NPEPPS: variants seen among roughly 807,000 people sequenced by gnomAD.
NPEPPS encodes puromycin-sensitive aminopeptidase.
A neutral mutation model predicts 115.5 loss-of-function variants in NPEPPS; 14 were observed. That is an observed-to-expected ratio of 0.12 (90% CI 0.08 to 0.19). NPEPPS has a LOEUF of 0.19. Among genes scored for constraint, NPEPPS ranks in the 10% least tolerant of loss-of-function variants. The probability of loss-of-function intolerance (pLI) is 1.00; values close to 1 mark genes in which losing one functional copy is unlikely to be tolerated. For missense variants in NPEPPS, 523 were observed against 1,110.8 expected, an observed-to-expected ratio of 0.47 and a Z score of 7.52; for synonymous variants, 285 against 390.6, an observed-to-expected ratio of 0.73 and a Z score of 3.19.
intron 1 of NPEPPS, among the ~76,000 whole-genome samples, chr17:47,531,978 C>T (rs909923487): frequency 5.9e-5 from 9 of 152,146 alleles, no homozygotes; most frequent in African/African-American, 2.2e-4. Context: ...AACCACCTGA[C>T]TCAGTTCTTT....
At chr17:47,524,784 G>A (rs1907364068) in intron 1 of NPEPPS, among the ~76,000 whole-genome samples, 1 of 151,142 alleles carries the variant, frequency 6.6e-6, no homozygotes, top group East Asian at 1.9e-4. Flanking sequence ...GATTACAGGC[G>A]TGAGCCACCG....
chr17:47,562,622 GTGTGTGTGTGTA>G (rs1341906778), intron 2 of NPEPPS, among the ~76,000 whole-genome samples: 2 of 151,302 alleles, frequency 1.3e-5, no homozygotes, highest in Non-Finnish European at 2.9e-5. Context: ...GTGTGTGTGT[GTGTGTGTGTGTA>G]TATGTGTGTG....
chr17:47,551,406 C>A (rs1172506947), intron 2 of NPEPPS, among the ~76,000 whole-genome samples: 1 of 150,484 alleles, frequency 6.6e-6, no homozygotes, highest in Non-Finnish European at 1.5e-5. Context: ...CTTTTTACCC[C>A]TGTAAATACC....
chr17:47,535,832 CTTTTTTTTTTT>C (rs553790964), intron 1 of NPEPPS, among the ~76,000 whole-genome samples: 1,222 of 101,006 alleles, frequency 0.012, 25 homozygotes, highest in African/African-American at 0.041. Flanking sequence ...ATTGGGTATT[CTTTTTTTTTTT>C]TTTTTTTTTT....
rs1909169447 is a variant in NPEPPS at position 47,545,968 on chromosome 17, T to C, written c.315T>C (p.Ala105=). 1.3e-6 allele frequency: 2 copies of C among 1,555,516 alleles called. No individual in the cohort carries two copies. Among genetic ancestry groups the C allele is most frequent in the East Asian group, 2.4e-5 (1 of 41,794 alleles). Reference sequence around the variant, plus strand: ...GTGCTGATATTGATATTATTACAGCTTCATATGCACCAGAAGGAGATGAAG... The same window carrying C: ...GTGCTGATATTGATATTATTACAGCCTCATATGCACCAGAAGGAGATGAAG... ...MNCADIDIIT[A]SYAPEGDEEI... Residue 105 remains alanine, a synonymous_variant, in exon 2 of 23, where the codon GCT becomes GCC. Transcript: ENST00000322157.
At position 47,619,128 on chromosome 17, in the gene NPEPPS, A is replaced by G. The variant is rs768114579; in HGVS notation, c.2523A>G (p.Arg841=). 1.2e-6 allele frequency: 2 copies of G among 1,613,786 alleles called. No individual in the cohort carries two copies. The highest frequency in any genetic ancestry group is 2.7e-5 in the African/African-American group (2 of 74,924). The change falls in exon 21 of 23, where the codon CGA becomes CGG. Residue 841 remains arginine (R), a synonymous_variant. Coordinates refer to ENST00000322157, the MANE Select transcript of NPEPPS (RefSeq NM_006310.4). ...IKDNWEELYN[R]YQGGFLISRL... is the part of the protein sequence containing the mutation. ...ACAACTGGGAAGAACTTTATAACCGATACCAGGGAGGATTCTTAATATCCA... is the reference window on the plus strand; with the variant it reads ...ACAACTGGGAAGAACTTTATAACCGGTACCAGGGAGGATTCTTAATATCCA...
chr17:47,553,843 C>A (rs1364432757), intron 2 of NPEPPS, among the ~76,000 whole-genome samples: 1 of 150,428 alleles, frequency 6.6e-6, no homozygotes, highest in African/African-American at 2.5e-5. Context: ...CTCTGCCTCC[C>A]AGGTTCAAGC....
intron 19 of NPEPPS, 73 bp from the exon 20 acceptor site, chr17:47,618,277 G>T (rs991020921): frequency 2.1e-6 from 2 of 939,014 alleles, no homozygotes; most frequent in African/African-American, 1.6e-5. Context: ...TACTGGGGAA[G>T]AAGCTCATAT....
intron 16 of NPEPPS, among the ~76,000 whole-genome samples, chr17:47,604,821 G>A (rs1421250086): frequency 1.3e-5 from 2 of 152,206 alleles, no homozygotes; most frequent in South Asian, 4.1e-4. Flanking sequence ...GTTCTGAAAG[G>A]ACTTTGAATT....
At chr17:47,598,334 C>T (rs562916877) in intron 13 of NPEPPS, among the ~76,000 whole-genome samples, 2 of 152,150 alleles carry the variant, frequency 1.3e-5, no homozygotes, top group South Asian at 2.1e-4. Context: ...ACTAGCTGGG[C>T]ATGGTGGCAC....
chr17:47,568,499 G>C (rs1910978845), intron 2 of NPEPPS, among the ~76,000 whole-genome samples: 2 of 151,916 alleles, frequency 1.3e-5, no homozygotes, highest in Non-Finnish European at 2.9e-5. Context: ...TTTGGAATGG[G>C]GATAGGACAT....
chr17:47,601,552 C>A, intron 14 of NPEPPS, 56 bp from the exon 15 acceptor site: 1 of 1,604,788 alleles, frequency 6.2e-7, no homozygotes, highest in South Asian at 1.1e-5. Flanking sequence ...ACTCCTCTCT[C>A]CACCTTACCT....
intron 12 of NPEPPS, among the ~76,000 whole-genome samples, chr17:47,594,893 A>G (rs1271594763): frequency 1.4e-5 from 2 of 147,678 alleles, no homozygotes; most frequent in African/African-American, 5.0e-5. Context: ...CTGCCTCCCA[A>G]AGTGCTGGGA....
At chr17:47,594,923 C>A (rs974129005) in intron 12 of NPEPPS, among the ~76,000 whole-genome samples, 1 of 147,706 alleles carries the variant, frequency 6.8e-6, no homozygotes, top group African/African-American at 2.5e-5. Flanking sequence ...TGAGCCACCG[C>A]GCCTGGCCTA....
intron 12 of NPEPPS, 90 bp from the exon 13 acceptor site, chr17:47,596,263 C>T: frequency 1.4e-6 from 1 of 730,930 alleles, no homozygotes. Flanking sequence ...AAAGAATTAG[C>T]AGTGTAGTGT....
Position 47,618,557 on chromosome 17 carries a change from A to T in NPEPPS, c.2403+100A>T. On this transcript the variant is annotated intron_variant, in intron 20 of 22. Transcript: ENST00000322157. ...ATCCTCTTGAGCTGCCTTAACCCTA[A>T]CTAAAGCTTCCTTTTCCAGAGTAAC... The T allele has an allele frequency of 4.0e-6, 3 of 747,116 alleles. No homozygotes were observed. The South Asian group carries it at 5.5e-5, about 14-fold the overall frequency. The allele number at this position is 747,116 out of a possible 1,614,324, so 46.3% of individuals were successfully genotyped here.
chr17:47,585,967 T>C, intron 6 of NPEPPS, 181 bp from the exon 7 acceptor site: 1 of 566,922 alleles, frequency 1.8e-6, no homozygotes, highest in Non-Finnish European at 3.1e-6. Context: ...TATAAATGGA[T>C]TAAAGTTTGG....
At chr17:47,600,183 C>G (rs1286830263) in intron 14 of NPEPPS, among the ~76,000 whole-genome samples, 2 of 152,148 alleles carry the variant, frequency 1.3e-5, no homozygotes, top group East Asian at 3.9e-4. Flanking sequence ...CCTGTAGTCT[C>G]AGTACATTGG....
At chr17:47,534,311 C>T (rs1440824728) in intron 1 of NPEPPS, among the ~76,000 whole-genome samples, 1 of 152,072 alleles carries the variant, frequency 6.6e-6, no homozygotes. Context: ...GACCTCCTGA[C>T]CTCGTGATCT....
Sources: allele counts gnomAD v4.1 joint callset (sites outside exome capture counted in the v4.1 genomes callset), GRCh38; gene constraint gnomAD v4.1.1; transcripts MANE v1.5; gene names NCBI Gene and HGNC (gene_info 2026-07-23, HGNC 2026-07-21).